ZDHHC3: variants seen among roughly 807,000 people sequenced by gnomAD.
ZDHHC3 encodes the protein palmitoyltransferase ZDHHC3.
ZDHHC3 carries 9 observed loss-of-function variants against 30.6 expected under a neutral mutation model. The observed-to-expected ratio is 0.29, with a 90% CI of 0.18 to 0.51. The LOEUF is 0.51. Among genes scored for constraint, ZDHHC3 ranks in the 20% least tolerant of loss-of-function variants. The probability of loss-of-function intolerance (pLI) is 0.97; values close to 1 mark genes in which losing one functional copy is unlikely to be tolerated. For synonymous variants in ZDHHC3, 136 were observed against 140.2 expected (o/e 0.97, Z 0.21); for missense variants, 246 against 384.2 (o/e 0.64, Z 3.01).
In ZDHHC3 at chr3:44,915,696, TAGAAG is replaced by T. The variant is rs988035675; in HGVS notation, c.*10988_*10992del. ...TGCTTTCAGGCCAAGATGGATTCCC[TAGAAG>T]AGGAGTTTGAAGCCCAATGTGCAAG... On this transcript the variant is annotated 3_prime_UTR_variant, in exon 7 of 7. Transcript: ENST00000424952. 6.6e-6 allele frequency: 1 copy of T among 152,040 alleles called. No homozygotes were observed. Among genetic ancestry groups the T allele is most frequent in the Non-Finnish European group, 1.5e-5 (1 of 68,084 alleles). 9.4% of individuals were successfully genotyped at this position (152,040 alleles called of 1,614,324 possible).
rs552593964 is a variant in ZDHHC3, at chr3:44,959,832, A to G, written c.-24-372T>C. Among the ~76,000 whole-genome samples the G allele has an allele frequency of 6.6e-6, 1 of 152,280 alleles. No homozygotes were observed. The highest frequency in any genetic ancestry group is 2.1e-4 in the South Asian group (1 of 4,832). On this transcript the variant is annotated intron_variant, in intron 1 of 6. Transcript: ENST00000424952. This position sits in a 1 kb window ranked among gnomAD's most constrained non-coding sequence, Gnocchi z 4.3. ...AGTGCAGTGGCACCGTCTTAGGTCAATGCAGCCTCGACCTCCCACCTCGGG... is the reference window on the plus strand; with the variant it reads ...AGTGCAGTGGCACCGTCTTAGGTCAGTGCAGCCTCGACCTCCCACCTCGGG...
At chr3:44,939,243 G>C (rs977658672) in intron 3 of ZDHHC3, among the ~76,000 whole-genome samples, 3 of 152,226 alleles carry the variant, frequency 2.0e-5, no homozygotes, top group Non-Finnish European at 4.4e-5. Flanking sequence ...AAGTCCATTA[G>C]CCACTCTGCT....
At chr3:44,970,377 T>A (rs746879345) in intron 1 of ZDHHC3, among the ~76,000 whole-genome samples, 1 of 152,196 alleles carries the variant, frequency 6.6e-6, no homozygotes. Flanking sequence ...GAATGAAGAC[T>A]GAGCTTGGAA....
intron 3 of ZDHHC3, chr3:44,937,922 CA>C: frequency 2.1e-6 from 1 of 486,878 alleles, no homozygotes; most frequent in Non-Finnish European, 4.1e-6. Flanking sequence ...CCCTGATCAT[CA>C]AAGCCCTCAA....
At chr3:44,930,236 T>C (rs1701378083) in intron 5 of ZDHHC3, among the ~76,000 whole-genome samples, 1 of 152,220 alleles carries the variant, frequency 6.6e-6, no homozygotes, top group Non-Finnish European at 1.5e-5. Context: ...GCAGAATCTT[T>C]TGTCTGAACA....
chr3:44,926,774 A>G lies in ZDHHC3; in HGVS notation c.815T>C (p.Phe272Ser). Reference protein sequence around the residue: ...KTKWMNMKAVFGHPFSLGWAS... With the variant: ...KTKWMNMKAVSGHPFSLGWAS... ...CCAGCCTAGAGAGAAGGGGTGGCCA[A>G]AAACGGCTTTCATGTTCATCCATTT... Residue 272 changes from phenylalanine (F) to serine (S), a missense_variant, in exon 7 of 7, where the codon TTT becomes TCT. By Grantham distance (155) the Phe-to-Ser change is radical (BLOSUM62 -2). Coordinates refer to ENST00000424952, the MANE Select transcript of ZDHHC3 (RefSeq NM_001135179.2). 1 of 1,614,040 alleles carries G rather than the reference A, an allele frequency of 6.2e-7. No individual in the cohort carries two copies. Among genetic ancestry groups the G allele is most frequent in the Non-Finnish European group, 8.5e-7 (1 of 1,180,004 alleles).
At chr3:44,974,902 G>A (rs1380886790) in intron 1 of ZDHHC3, among the ~76,000 whole-genome samples, 1 of 152,148 alleles carries the variant, frequency 6.6e-6, no homozygotes, top group African/African-American at 2.4e-5. Context: ...CTGTGGTTAT[G>A]TTGGCCCTGG....
At chr3:44,971,792 T>G (rs1705427899) in intron 1 of ZDHHC3, among the ~76,000 whole-genome samples, 2 of 152,244 alleles carry the variant, frequency 1.3e-5, no homozygotes, top group African/African-American at 4.8e-5. Flanking sequence ...TTTCTATCAC[T>G]GTAATCTCAA....
intron 2 of ZDHHC3, among the ~76,000 whole-genome samples, chr3:44,949,968 TG>T (rs1703294941): frequency 6.6e-6 from 1 of 152,110 alleles, no homozygotes; most frequent in Non-Finnish European, 1.5e-5. Flanking sequence ...CCCAAGTAGC[TG>T]GAACTACCGG....
At chr3:44,955,457 T>TATATA (rs1553691496) in intron 2 of ZDHHC3, among the ~76,000 whole-genome samples, 7,949 of 143,900 alleles carry the variant, frequency 0.055, 249 homozygotes, top group Middle Eastern at 0.095. Context: ...CACAAGGTTT[T>TATATA]TATATATATA....
intron 3 of ZDHHC3, among the ~76,000 whole-genome samples, chr3:44,937,306 T>C (rs1391902137): frequency 3.1e-4 from 47 of 151,872 alleles, no homozygotes; most frequent in Non-Finnish European, 2.9e-5. Context: ...TAGCCGGGTG[T>C]GGTAGTGTGC....
chr3:44,927,564 G>A (rs1239541751), intron 6 of ZDHHC3, among the ~76,000 whole-genome samples: 1 of 152,222 alleles, frequency 6.6e-6, no homozygotes, highest in Non-Finnish European at 1.5e-5. Context: ...AGCCAGCATG[G>A]CATGGCAAAG....
At chr3:44,932,275 C>G (rs1701561024) in intron 5 of ZDHHC3, among the ~76,000 whole-genome samples, 1 of 152,076 alleles carries the variant, frequency 6.6e-6, no homozygotes, top group African/African-American at 2.4e-5. Context: ...CCTCTCCTAT[C>G]TCTATTGTCT....
At chr3:44,932,690 A>G (rs928006567) in intron 5 of ZDHHC3, among the ~76,000 whole-genome samples, 2 of 152,238 alleles carry the variant, frequency 1.3e-5, no homozygotes, top group Non-Finnish European at 2.9e-5. Context: ...ATTAATAAAG[A>G]AACTCCATGT....
At chr3:44,958,438 T>C (rs1287502951) in intron 2 of ZDHHC3, 19 of 736,162 alleles carry the variant, frequency 2.6e-5, no homozygotes, top group African/African-American at 8.7e-5. Context: ...TATCAAATAA[T>C]GTATTCTCTT....
chr3:44,953,857 C>G (rs1387643881), intron 2 of ZDHHC3, among the ~76,000 whole-genome samples: 1 of 152,220 alleles, frequency 6.6e-6, no homozygotes, highest in Non-Finnish European at 1.5e-5. Context: ...TAACCTGATG[C>G]AGTGAATGTG....
At position 44,926,715 on chromosome 3, in the gene ZDHHC3, C is replaced by T. The variant is rs1250008000; in HGVS notation, c.874G>A (p.Ala292Thr). The change falls in exon 7 of 7, where the codon GCA becomes ACA. Residue 292 changes from alanine to threonine, a missense_variant. Coordinates refer to ENST00000424952, the MANE Select transcript of ZDHHC3 (RefSeq NM_001135179.2). ...SPFATPDQGK[A>T]DPYQYVV ...CAGACCACATACTGGTACGGGTCTG[C>T]CTTCCCTTGGTCTGGCGTGGCAAAG... is the stretch of plus-strand genomic sequence containing the variant. The T allele has an allele frequency of 5.6e-6, 9 of 1,612,064 alleles. No homozygotes were observed. The highest frequency in any genetic ancestry group is 7.6e-6 in the Non-Finnish European group (9 of 1,179,392).
intron 2 of ZDHHC3, among the ~76,000 whole-genome samples, chr3:44,950,439 C>T (rs1703343726): frequency 6.6e-6 from 1 of 152,198 alleles, no homozygotes; most frequent in Admixed American, 6.5e-5. Context: ...GGAATCAGAG[C>T]TCTTGTTTGG....
intron 1 of ZDHHC3, among the ~76,000 whole-genome samples, chr3:44,972,639 T>C (rs1325814487): frequency 2.0e-5 from 3 of 152,238 alleles, no homozygotes; most frequent in African/African-American, 4.8e-5. Context: ...TTGTATTTGA[T>C]ACCTGGCCTG....
Sources: allele counts gnomAD v4.1 joint callset (sites outside exome capture counted in the v4.1 genomes callset), GRCh38; gene constraint gnomAD v4.1.1; non-coding constraint Gnocchi (gnomAD v3.1); transcripts MANE v1.5; gene names NCBI Gene and HGNC (gene_info 2026-07-23, HGNC 2026-07-21).